Variants in PLEKHG5 observed in about 807,000 individuals in gnomAD.
PLEKHG5 encodes the protein pleckstrin homology domain-containing family G member 5.
Under a neutral mutation model 103.8 loss-of-function variants are expected in PLEKHG5, and 52 were observed. The observed-to-expected ratio is 0.50, with a 90% CI of 0.40 to 0.63. The LOEUF is 0.63. Among genes scored for constraint, PLEKHG5 ranks in the 30% least tolerant of loss-of-function variants. The probability of loss-of-function intolerance (pLI) is 0.00; values close to 1 mark genes in which losing one functional copy is unlikely to be tolerated. For missense variants in PLEKHG5, 1,205 were observed against 1,347.6 expected (o/e 0.89, Z 1.66); for synonymous variants, 592 against 575.5 (o/e 1.03, Z -0.41).
At chr1:6,518,139 A>G (rs945886314) in intron 1 of PLEKHG5, among the ~76,000 whole-genome samples, 4 of 151,274 alleles carry the variant, frequency 2.6e-5, no homozygotes, top group Admixed American at 6.6e-5. Flanking sequence ...TCACCATGTT[A>G]GCCAGGATGG....
At chr1:6,500,860 CCAGG>C (rs1201119481), upstream of PLEKHG5, among the ~76,000 whole-genome samples, 1 of 152,158 alleles carries the variant, frequency 6.6e-6, no homozygotes, top group Admixed American at 6.5e-5. Context: ...GGGCCCTTGG[CCAGG>C]CAGAGGAGCC....
chr1:6,506,746 C>T (rs912945931), intron 1 of PLEKHG5, among the ~76,000 whole-genome samples: 1 of 152,238 alleles, frequency 6.6e-6, no homozygotes, highest in African/African-American at 2.4e-5. Flanking sequence ...AGCCGAGGCC[C>T]CCAGAGGCCC....
At chr1:6,498,772 C>T (rs959342577), upstream of PLEKHG5, among the ~76,000 whole-genome samples, 1 of 152,228 alleles carries the variant, frequency 6.6e-6, no homozygotes, top group African/African-American at 2.4e-5. Flanking sequence ...CCAGCCTCAC[C>T]CCCACACTGT....
rs1288870331 is a variant in PLEKHG5 at position 6,516,866 on chromosome 1, G to GTGTGTGTATA, written c.-165+2578_-165+2579insTATACACACA. Among the ~76,000 whole-genome samples, 136 of 25,864 alleles carry GTGTGTGTATA rather than the reference G, an allele frequency of 5.3e-3. 1 individual carries two copies. Among genetic ancestry groups the GTGTGTGTATA allele is most frequent in the Middle Eastern group, 0.04 (2 of 50 alleles). The allele number at this position is 25,864 out of a possible 152,430, so 17.0% of individuals were successfully genotyped here. On this transcript the variant is annotated intron_variant, in intron 1 of 21. Transcript: ENST00000377740. ...TATATATATGTGTGTGTATATATGT[G>GTGTGTGTATA]TATATATATATATATATATACACAT...
upstream of PLEKHG5, among the ~76,000 whole-genome samples, chr1:6,495,651 G>C (rs1411530634): frequency 6.6e-6 from 1 of 152,170 alleles, no homozygotes; most frequent in Non-Finnish European, 1.5e-5. Flanking sequence ...AGTGAGTCCT[G>C]GTGCCTGCGC....
At chr1:6,476,445 A>C (rs1402827172) in intron 2 of PLEKHG5, among the ~76,000 whole-genome samples, 1 of 152,128 alleles carries the variant, frequency 6.6e-6, no homozygotes, top group Non-Finnish European at 1.5e-5. Flanking sequence ...CACCCACCTC[A>C]GCCTCCCAAA....
chr1:6,497,225 C>A, upstream of PLEKHG5: 2 of 870,032 alleles, frequency 2.3e-6, no homozygotes, highest in South Asian at 2.8e-5. The surrounding 1 kb of genome is among the most constrained non-coding windows in gnomAD (Gnocchi z 6.1). Context: ...CGCCCACCCC[C>A]TTGCCTGGAG....
chr1:6,472,486 G>C (rs780357006), intron 10 of PLEKHG5, 41 bp downstream of exon 10: 5 of 1,364,200 alleles, frequency 3.7e-6, no homozygotes, highest in South Asian at 3.5e-5. Flanking sequence ...CAGAAAGAGG[G>C]GGGCAGGGTG....
chr1:6,511,667 G>A lies in PLEKHG5; in HGVS notation c.-165+7778C>T, dbSNP rs1364349355. Among the ~76,000 whole-genome samples the A allele has an allele frequency of 2.6e-5, 4 of 152,360 alleles. No homozygotes were observed. In the East Asian group the frequency reaches 7.7e-4, roughly 29 times the overall value. On this transcript the variant is annotated intron_variant, in intron 1 of 21. Coordinates refer to the PLEKHG5 transcript ENST00000377740. ...TGAGATGGGGGACTGAGGCAGCAGGGCCACGACAGGGCTCACAGAGCGAGG... is the reference window on the plus strand; with the variant it reads ...TGAGATGGGGGACTGAGGCAGCAGGACCACGACAGGGCTCACAGAGCGAGG...
chr1:6,518,140 G>A (rs1265323669), intron 1 of PLEKHG5, among the ~76,000 whole-genome samples: 3 of 151,518 alleles, frequency 2.0e-5, no homozygotes, highest in Non-Finnish European at 4.4e-5. Context: ...CACCATGTTA[G>A]CCAGGATGGT....
At position 6,471,535 on chromosome 1, in the gene PLEKHG5, T is replaced by C. The variant is rs765359521; in HGVS notation, c.1234A>G (p.Thr412Ala). The part of the protein sequence containing the change: ...MAPVLEKARR[T>A]RALLQPGDFL... ...TCCCCGGGCTGTAGCAGCGCTCGCG[T>C]GCGCCGCGCCTTCTCCAGCACCGGC... Residue 412 changes from threonine to alanine, a missense_variant, in exon 12 of 21, where the codon ACG becomes GCG. Coordinates refer to ENST00000377728, the MANE Select transcript of PLEKHG5 (RefSeq NM_020631.6). 39 of 1,609,548 alleles carry C rather than the reference T, an allele frequency of 2.4e-5. No homozygotes were observed. The South Asian group carries it at 4.1e-4, about 17-fold the overall frequency.
At chr1:6,473,527 AG>A (rs1644662904) in intron 7 of PLEKHG5, 73 bp from the exon 8 acceptor site, 1 of 1,259,220 alleles carries the variant, frequency 7.9e-7, no homozygotes, top group African/African-American at 1.5e-5. Context: ...GCGGGTTTCC[AG>A]GGCCTCAGGC....
chr1:6,472,328 A>T lies in PLEKHG5; in HGVS notation c.1080+199T>A, dbSNP rs567859939. 4.6e-5 allele frequency among the ~76,000 whole-genome samples: 7 copies of T among 152,362 alleles called. No homozygotes were observed. The East Asian group carries it at 1.2e-3, about 25-fold the overall frequency. On this transcript the variant is annotated intron_variant, in intron 10 of 20. Transcript: ENST00000377728. ...GGCCTCACCTGTGCTAATTCAGCTGAACCTGACAAACCTGCCCGAAGCCCC... is the reference window on the plus strand; with the variant it reads ...GGCCTCACCTGTGCTAATTCAGCTGTACCTGACAAACCTGCCCGAAGCCCC...
chr1:6,485,225 G>C (rs1260348875), intron 1 of PLEKHG5: 1 of 814,638 alleles, frequency 1.2e-6, no homozygotes, highest in Non-Finnish European at 1.7e-6. Context: ...GGGGCCCATA[G>C]TCACGGGCAC....
At chr1:6,496,411 T>A, upstream of PLEKHG5, 9 of 1,091,904 alleles carry the variant, frequency 8.2e-6, 1 homozygote, top group Non-Finnish European at 1.1e-5. Context: ...GCTCTGTGGA[T>A]AGCTGGTGCT....
intron 12 of PLEKHG5, 146 bp downstream of exon 12, chr1:6,471,342 T>G: frequency 2.0e-6 from 2 of 986,092 alleles, no homozygotes; most frequent in Non-Finnish European, 3.0e-6. Context: ...GCCTCGTAAT[T>G]CCTCACCCTT....
intron 4 of PLEKHG5, 118 bp from the exon 5 acceptor site, chr1:6,475,256 C>CCCTCCTTCCCCACCCTCCTTCCCAA: frequency 3.1e-6 from 2 of 652,950 alleles, no homozygotes; most frequent in Non-Finnish European, 5.4e-6. Context: ...CTCCTTCCCA[C>CCCTCCTTCCCCACCCTCCTTCCCAA]CCTCCTTCCC....
intron 1 of PLEKHG5, among the ~76,000 whole-genome samples, chr1:6,483,193 G>C (rs1644944128): frequency 1.3e-5 from 2 of 152,326 alleles, no homozygotes; most frequent in South Asian, 4.1e-4. Context: ...GCACAGGACT[G>C]GCAGTCGGCA....
At chr1:6,497,027 C>T, upstream of PLEKHG5, 1 of 1,521,126 alleles carries the variant, frequency 6.6e-7, no homozygotes. The surrounding 1 kb of genome is among the most constrained non-coding windows in gnomAD (Gnocchi z 6.1). Context: ...TTCCCCAAGA[C>T]TCATCTTTGA....
Sources: allele counts gnomAD v4.1 joint callset (sites outside exome capture counted in the v4.1 genomes callset), GRCh38; gene constraint gnomAD v4.1.1; non-coding constraint Gnocchi (gnomAD v3.1); transcripts MANE v1.5; gene names NCBI Gene and HGNC (gene_info 2026-07-23, HGNC 2026-07-21).